Variants in KCNH5 observed in about 807,000 individuals in gnomAD.
KCNH5 encodes voltage-gated delayed rectifier potassium channel KCNH5.
KCNH5 carries 46 observed loss-of-function variants against 96.1 expected under a neutral mutation model. The observed-to-expected ratio is 0.48, with a 90% confidence interval of 0.38 to 0.61. The LOEUF is 0.61. Ranked by LOEUF, KCNH5 falls within the 20% of genes least tolerant of loss-of-function variation. The probability of loss-of-function intolerance (pLI) is 0.00; values close to 1 mark genes in which losing one functional copy is unlikely to be tolerated. For synonymous variants in KCNH5, 439 were observed against 449.8 expected (o/e 0.98, Z 0.30); for missense variants, 907 against 1,225.8 (o/e 0.74, Z 3.88).
chr14:62,748,879 T>A (rs921675426), intron 10 of KCNH5, among the ~76,000 whole-genome samples: 3 of 152,016 alleles, frequency 2.0e-5, no homozygotes, highest in African/African-American at 4.8e-5. Flanking sequence ...CAAAGTAAAA[T>A]AAGTAAAATC....
intron 10 of KCNH5, among the ~76,000 whole-genome samples, chr14:62,723,660 A>G (rs1417391443): frequency 6.6e-6 from 1 of 152,202 alleles, no homozygotes; most frequent in African/African-American, 2.4e-5. Context: ...AGTTTTTAAA[A>G]ATAAAGAATT....
intron 6 of KCNH5, among the ~76,000 whole-genome samples, chr14:62,968,641 C>T (rs1011490215): frequency 2.6e-5 from 4 of 152,122 alleles, no homozygotes; most frequent in Non-Finnish European, 5.9e-5. Flanking sequence ...CAAAGGTTTC[C>T]CTCTGGCCTT....
intron 6 of KCNH5, among the ~76,000 whole-genome samples, chr14:62,962,077 GAGATGGAGATGGATGTGC>G (rs974011601): frequency 2.0e-5 from 3 of 151,994 alleles, no homozygotes; most frequent in African/African-American, 4.8e-5. Context: ...GATGGAAATG[GAGATGGAGATGGATGTGC>G]AGATGGAGAT....
At chr14:62,936,084 A>G (rs761303027) in intron 7 of KCNH5, among the ~76,000 whole-genome samples, 1 of 152,204 alleles carries the variant, frequency 6.6e-6, no homozygotes, top group Non-Finnish European at 1.5e-5. Context: ...AAGAAGAAGT[A>G]CTTCCGTATG....
chr14:63,030,778 G>A (rs77379936), intron 1 of KCNH5, among the ~76,000 whole-genome samples: 1,759 of 152,292 alleles, frequency 0.012, 27 homozygotes, highest in African/African-American at 0.03. Flanking sequence ...CTTGTCACCA[G>A]TGTCAAAAAT....
At chr14:62,778,077 G>T (rs992445301) in intron 10 of KCNH5, among the ~76,000 whole-genome samples, 1 of 152,176 alleles carries the variant, frequency 6.6e-6, no homozygotes, top group African/African-American at 2.4e-5. Flanking sequence ...CCTGAGGAAT[G>T]TACGGATGTT....
intron 9 of KCNH5, among the ~76,000 whole-genome samples, chr14:62,785,924 G>A (rs777643999): frequency 1.3e-5 from 2 of 152,212 alleles, no homozygotes; most frequent in African/African-American, 4.8e-5. Context: ...AGGGCACGGT[G>A]GCTCATGCCT....
intron 8 of KCNH5, among the ~76,000 whole-genome samples, chr14:62,833,142 T>C (rs561830766): frequency 6.8e-6 from 1 of 148,074 alleles, no homozygotes; most frequent in African/African-American, 2.4e-5. Context: ...CACTATTCTC[T>C]GTTTTTTTTG....
chr14:63,044,846 T>C (rs1566552527), intron 1 of KCNH5, among the ~76,000 whole-genome samples: 2 of 152,144 alleles, frequency 1.3e-5, no homozygotes. Context: ...CTACACCCTA[T>C]CCAACCCCTT....
At chr14:62,929,073 T>C (rs1233891695) in intron 7 of KCNH5, among the ~76,000 whole-genome samples, 1 of 152,034 alleles carries the variant, frequency 6.6e-6, no homozygotes, top group African/African-American at 2.4e-5. Flanking sequence ...ACATGACTTA[T>C]CAAAACTTAG....
chr14:62,769,825 T>C (rs1220257015), intron 10 of KCNH5, among the ~76,000 whole-genome samples: 1 of 152,188 alleles, frequency 6.6e-6, no homozygotes, highest in Non-Finnish European at 1.5e-5. Context: ...CCATTGACAA[T>C]AAAGTATTAC....
chr14:62,914,794 T>C (rs558249877), intron 7 of KCNH5, among the ~76,000 whole-genome samples: 6 of 152,214 alleles, frequency 3.9e-5, no homozygotes, highest in Non-Finnish European at 5.9e-5. Flanking sequence ...CAGACTATGG[T>C]AATTTCTTAC....
chr14:63,016,701 C>T (rs908388851), intron 2 of KCNH5, 130 bp downstream of exon 2: 1 of 857,352 alleles, frequency 1.2e-6, no homozygotes, highest in African/African-American at 1.7e-5. Context: ...AATTTAGTCT[C>T]CCTAATATTC....
At chr14:63,008,040 C>T (rs545416270) in intron 2 of KCNH5, among the ~76,000 whole-genome samples, 4 of 152,218 alleles carry the variant, frequency 2.6e-5, no homozygotes, top group South Asian at 2.1e-4. Context: ...TTCTGCTGAT[C>T]GGTATGATTG....
chr14:62,828,169 G>A (rs1887265972), intron 8 of KCNH5, among the ~76,000 whole-genome samples: 1 of 151,858 alleles, frequency 6.6e-6, no homozygotes, highest in African/African-American at 2.4e-5. Flanking sequence ...GACTCATGAA[G>A]TATTTTAATA....
At chr14:62,745,057 C>A (rs1595603548) in intron 10 of KCNH5, among the ~76,000 whole-genome samples, 2 of 152,168 alleles carry the variant, frequency 1.3e-5, no homozygotes, top group African/African-American at 2.4e-5. Flanking sequence ...TTGCTTTGAC[C>A]TGGAGTCTAG....
intron 4 of KCNH5, among the ~76,000 whole-genome samples, chr14:63,000,660 A>G (rs1167192396): frequency 6.6e-6 from 1 of 152,254 alleles, no homozygotes; most frequent in African/African-American, 2.4e-5. Context: ...ACAAAATTCA[A>G]TCAACTAACC....
At position 62,955,914 on chromosome 14, in the gene KCNH5, C is replaced by G. The variant is rs377499067; in HGVS notation, c.943-5355G>C. ...ACGAATCGTCCAAAGACACAGTTAG[C>G]AAGGAACAGAAGTATCACTCAGACC... On this transcript the variant is annotated intron_variant, in intron 6 of 10. Coordinates refer to ENST00000322893, the MANE Select transcript of KCNH5 (RefSeq NM_139318.5). 5.9e-5 allele frequency among the ~76,000 whole-genome samples: 9 copies of G among 152,282 alleles called. No individual in the cohort carries two copies. The East Asian group carries it at 1.4e-3, about 23-fold the overall frequency.
At chr14:63,006,550 T>G in intron 2 of KCNH5, 78 bp from the exon 3 acceptor site, 1 of 810,414 alleles carries the variant, frequency 1.2e-6, no homozygotes, top group Non-Finnish European at 2.1e-6. Context: ...TATAATTGTC[T>G]TTGACTAGTC....
Sources: gnomAD v4.1 joint callset for allele counts (sites outside exome capture counted in the v4.1 genomes callset) on GRCh38, gnomAD v4.1.1 for gene constraint, MANE v1.5 for transcripts, NCBI Gene and HGNC (gene_info 2026-07-23, HGNC 2026-07-21) for gene names.